The following GPC3 variants were observed in gnomAD, a reference collection of about 807,000 sequenced individuals.
GPC3 encodes the protein glypican-3.
Under a neutral mutation model 34.4 loss-of-function variants are expected in GPC3, and 3 were observed. The observed-to-expected ratio is 0.09, with a 90% CI of 0.04 to 0.23. The LOEUF is 0.23. Among genes scored for constraint, GPC3 ranks in the 10% least tolerant of loss-of-function variants. The probability of loss-of-function intolerance (pLI) is 1.00; values close to 1 mark genes in which losing one functional copy is unlikely to be tolerated. For missense variants in GPC3, 351 were observed against 445.6 expected, an observed-to-expected ratio of 0.79 and a Z score of 1.91; for synonymous variants, 177 against 174.0, an observed-to-expected ratio of 1.02 and a Z score of -0.13.
At chrX:133,792,805 T>C (rs1603248453) in intron 2 of GPC3, among the ~76,000 whole-genome samples, 2 of 111,487 alleles carry the variant, frequency 1.8e-5, no homozygotes, top group African/African-American at 6.5e-5. Flanking sequence ...ATTTGTAACA[T>C]GGAAATCAAA....
chrX:133,819,389 A>G (rs1167087286), intron 2 of GPC3, among the ~76,000 whole-genome samples: 2 of 109,264 alleles, frequency 1.8e-5, no homozygotes, highest in East Asian at 2.9e-4. Context: ...GACACTTTAA[A>G]TGACAGCAAT....
chrX:133,897,819 T>C, intron 2 of GPC3, among the ~76,000 whole-genome samples: 1 of 112,060 alleles, frequency 8.9e-6, no homozygotes, highest in Middle Eastern at 4.6e-3. Context: ...CAGAGTTTCC[T>C]AATCCAGACA....
At chrX:133,979,174 T>C (rs1299572526) in intron 1 of GPC3, among the ~76,000 whole-genome samples, 2 of 112,085 alleles carry the variant, frequency 1.8e-5, no homozygotes, top group Non-Finnish European at 3.8e-5. Context: ...CTATCAATTA[T>C]TTATCAACAT....
At chrX:133,706,405 G>A (rs757337149) in intron 3 of GPC3, among the ~76,000 whole-genome samples, 4 of 111,965 alleles carry the variant, frequency 3.6e-5, no homozygotes, top group Non-Finnish European at 7.5e-5. Flanking sequence ...TATTAAGGGA[G>A]TAAACAGACA....
chrX:133,876,676 T>G (rs1336439282), intron 2 of GPC3, among the ~76,000 whole-genome samples: 1 of 112,188 alleles, frequency 8.9e-6, no homozygotes, highest in Non-Finnish European at 1.9e-5. Context: ...GTAAGTGCTA[T>G]GTGAAAGAAA....
intron 6 of GPC3, among the ~76,000 whole-genome samples, chrX:133,606,591 T>C (rs760129834): frequency 1.8e-5 from 2 of 110,688 alleles, no homozygotes; most frequent in Non-Finnish European, 3.8e-5. Flanking sequence ...CTGAATACTT[T>C]TGAATTTTTT....
At chrX:133,784,147 A>G (rs992764685) in intron 2 of GPC3, among the ~76,000 whole-genome samples, 4 of 111,827 alleles carry the variant, frequency 3.6e-5, no homozygotes, top group Non-Finnish European at 7.5e-5. Flanking sequence ...TACAGCAAGT[A>G]AATTTAACGT....
intron 2 of GPC3, among the ~76,000 whole-genome samples, chrX:133,864,141 G>A (rs2075955650): frequency 9.0e-6 from 1 of 111,220 alleles, no homozygotes; most frequent in Admixed American, 9.6e-5. Flanking sequence ...GTAAGGTGGT[G>A]GCATGGGGGA....
chrX:133,900,765 C>G (rs1026850038), intron 2 of GPC3, among the ~76,000 whole-genome samples: 3 of 111,062 alleles, frequency 2.7e-5, no homozygotes, highest in African/African-American at 9.8e-5. Flanking sequence ...AGCCCATGTT[C>G]TCTGGCTTCT....
intron 5 of GPC3, among the ~76,000 whole-genome samples, chrX:133,670,117 G>A (rs1033201051): frequency 2.7e-5 from 3 of 111,898 alleles, no homozygotes; most frequent in Non-Finnish European, 3.8e-5. Flanking sequence ...TCAAACAAGC[G>A]TAAAATAGGC....
intron 3 of GPC3, among the ~76,000 whole-genome samples, chrX:133,736,053 A>G (rs2071509330): frequency 9.0e-6 from 1 of 111,548 alleles, no homozygotes; most frequent in African/African-American, 3.3e-5. Context: ...GAAATGACAA[A>G]TAGCCCAGTT....
rs1366955537 is a variant in GPC3, at chrX:133,710,853, T to C, written c.1033-10825A>G. ...AGAGTCTGAGCTGAAAGCAGAATCCTGCATGTGTGCCTAACACTTCTTATG... is the reference window on the plus strand; with the variant it reads ...AGAGTCTGAGCTGAAAGCAGAATCCCGCATGTGTGCCTAACACTTCTTATG... On this transcript the variant is annotated intron_variant, in intron 3 of 7. Coordinates refer to ENST00000370818, the MANE Select transcript of GPC3 (RefSeq NM_004484.4). Among the ~76,000 whole-genome samples the C allele has an allele frequency of 2.7e-5, 3 of 112,399 alleles. No homozygotes were observed. The East Asian group carries it at 8.3e-4, about 31-fold the overall frequency.
chrX:133,621,632 C>G (rs1460098523), intron 6 of GPC3, among the ~76,000 whole-genome samples: 1 of 112,115 alleles, frequency 8.9e-6, no homozygotes, highest in African/African-American at 3.2e-5. Context: ...TGAGGCTTGA[C>G]TAGGTAAACA....
intron 3 of GPC3, among the ~76,000 whole-genome samples, chrX:133,737,796 A>C (rs2071524744): frequency 8.9e-6 from 1 of 112,117 alleles, no homozygotes; most frequent in South Asian, 3.7e-4. Flanking sequence ...GTTTGATTTA[A>C]GAAAATGGCA....
intron 2 of GPC3, among the ~76,000 whole-genome samples, chrX:133,844,756 A>G (rs1451415738): frequency 8.9e-6 from 1 of 112,333 alleles, no homozygotes; most frequent in African/African-American, 3.2e-5. Context: ...AGTGGAGATT[A>G]TAGAAAGTGG....
intron 3 of GPC3, among the ~76,000 whole-genome samples, chrX:133,739,096 A>G (rs1410351355): frequency 9.0e-6 from 1 of 110,799 alleles, no homozygotes; most frequent in African/African-American, 3.3e-5. Flanking sequence ...ATGTATAGGG[A>G]AAAAAAACCC....
At chrX:133,685,782 TG>T (rs1166037206) in intron 5 of GPC3, among the ~76,000 whole-genome samples, 5 of 104,999 alleles carry the variant, frequency 4.8e-5, no homozygotes, top group Non-Finnish European at 9.7e-5. Context: ...TTTTAAGAGA[TG>T]GGGTCTTGCT....
chrX:133,975,934 A>G (rs2076512802), intron 1 of GPC3, among the ~76,000 whole-genome samples: 1 of 111,608 alleles, frequency 9.0e-6, no homozygotes. Context: ...TCTCATTTCT[A>G]TGGCACTCAA....
intron 7 of GPC3, among the ~76,000 whole-genome samples, chrX:133,596,076 T>A (rs1398053859): frequency 8.9e-6 from 1 of 111,820 alleles, no homozygotes; most frequent in Admixed American, 9.5e-5. Flanking sequence ...TCATGGGGGT[T>A]TATGGTACAG....
Sources: allele counts gnomAD v4.1 joint callset (sites outside exome capture counted in the v4.1 genomes callset), GRCh38; gene constraint gnomAD v4.1.1; transcripts MANE v1.5; gene names NCBI Gene and HGNC (gene_info 2026-07-23, HGNC 2026-07-21).